The following ANKUB1 variants were observed in gnomAD, a reference collection of about 807,000 sequenced individuals.
The protein encoded by ANKUB1 is ankyrin repeat and ubiquitin domain containing 1.
ANKUB1 carries 42 observed loss-of-function variants against 49.3 expected under a neutral mutation model. That is an observed-to-expected ratio of 0.85 (90% CI 0.67 to 1.10). ANKUB1 has a LOEUF of 1.10. Among genes scored for constraint, ANKUB1 ranks in the 50% least tolerant of loss-of-function variants. The probability of loss-of-function intolerance (pLI) is 0.00; values close to 1 mark genes in which losing one functional copy is unlikely to be tolerated. For synonymous variants in ANKUB1, 222 were observed against 231.0 expected (o/e 0.96, Z 0.35); for missense variants, 613 against 642.0 (o/e 0.95, Z 0.49).
At position 149,767,679 on chromosome 3, in the gene ANKUB1, A is replaced by G. The variant is rs1383957092; in HGVS notation, c.983T>C (p.Leu328Pro). ...QWILRAQSHS[L>P]HKSQFCGARV... ...TGCTCCACAAAACTGGCTTTTATGA[A>G]GACTGTGACTCTGAGCTCTGAGGAT... Residue 328 changes from leucine (L) to proline (P), a missense_variant, in exon 5 of 6, where the codon CTT becomes CCT. Physicochemically the swap from Leu to Pro is moderately conservative, Grantham distance 98. Coordinates refer to ENST00000446160, the MANE Select transcript of ANKUB1 (RefSeq NM_001144960.3). The G allele has an allele frequency of 6.4e-7, 1 of 1,551,712 alleles. No homozygotes were observed. The highest frequency in any genetic ancestry group is 8.7e-7 in the Non-Finnish European group (1 of 1,147,006).
chr3:149,773,274 T>C (rs1311940926), intron 3 of ANKUB1, among the ~76,000 whole-genome samples: 1 of 152,186 alleles, frequency 6.6e-6, no homozygotes, highest in Non-Finnish European at 1.5e-5. Context: ...GAAATGGGGC[T>C]CTTCCTCTGT....
Position 149,767,344 on chromosome 3 carries a change from G to C in ANKUB1, c.1318C>G (p.Leu440Val). 1 of 1,549,868 alleles carries C rather than the reference G, an allele frequency of 6.5e-7. No individual in the cohort carries two copies. The highest frequency in any genetic ancestry group is 8.7e-7 in the Non-Finnish European group (1 of 1,146,622). The change falls in exon 5 of 6, where the codon CTC (leucine) becomes GTC (valine). Residue 440 changes from leucine to valine, a missense_variant. By Grantham distance (32) the Leu-to-Val change is conservative. Coordinates refer to ENST00000446160, the MANE Select transcript of ANKUB1 (RefSeq NM_001144960.3). ...TGGGGAAGATATGTGTTTTTTATGA[G>C]CTTTTCTTTTTTCCTAGCTGTGGCA... ...ITATARKKEK[L>V]IKNTYLPQVP...
chr3:149,763,395 G>A (rs1013713247), intron 5 of ANKUB1, among the ~76,000 whole-genome samples: 9 of 152,246 alleles, frequency 5.9e-5, no homozygotes, highest in South Asian at 2.1e-4. Context: ...AAAAAGATGC[G>A]TATTGAGCAC....
rs996147548 is a variant in ANKUB1 at position 149,767,469 on chromosome 3, G to C, written c.1193C>G (p.Pro398Arg). The C allele has an allele frequency of 6.4e-7, 1 of 1,551,646 alleles. No homozygotes were observed. The highest frequency in any genetic ancestry group is 8.7e-7 in the Non-Finnish European group (1 of 1,146,974). The change falls in exon 5 of 6, where the codon CCG becomes CGG. Residue 398 changes from proline (P) to arginine (R), a missense_variant. Physicochemically the swap from Pro to Arg is moderately radical, Grantham distance 103. Transcript: ENST00000446160. ...KPVNPLAISQ[P>R]DTRKQALKFH... ...TTTGAGGGCTTGTTTTCTTGTGTCCGGCTGTGAAATTGCCAAAGGATTGAC... is the reference window on the plus strand; with the variant it reads ...TTTGAGGGCTTGTTTTCTTGTGTCCCGCTGTGAAATTGCCAAAGGATTGAC...
At chr3:149,766,104 A>C (rs924619270) in intron 5 of ANKUB1, among the ~76,000 whole-genome samples, 1 of 152,224 alleles carries the variant, frequency 6.6e-6, no homozygotes, top group Non-Finnish European at 1.5e-5. Flanking sequence ...TGCATCAAAT[A>C]ATACCTCATA....
chr3:149,785,831 T>A (rs13085653), intron 2 of ANKUB1, among the ~76,000 whole-genome samples: 3 of 151,942 alleles, frequency 2.0e-5, no homozygotes, highest in Admixed American at 2.0e-4. Context: ...TTGAGGAATC[T>A]CCATACTGTC....
chr3:149,771,679 A>G (rs890437084), intron 3 of ANKUB1, among the ~76,000 whole-genome samples: 11 of 152,126 alleles, frequency 7.2e-5, no homozygotes, highest in Non-Finnish European at 1.3e-4. Flanking sequence ...CATTAAGAAG[A>G]AAATTCCTTC....
chr3:149,773,119 C>G (rs550368705), intron 3 of ANKUB1, among the ~76,000 whole-genome samples: 6 of 152,242 alleles, frequency 3.9e-5, no homozygotes, highest in East Asian at 1.9e-4. Context: ...TAGAGAGTCT[C>G]CCCCTTTCAG....
At chr3:149,785,326 A>G (rs1718043535) in intron 2 of ANKUB1, among the ~76,000 whole-genome samples, 1 of 152,102 alleles carries the variant, frequency 6.6e-6, no homozygotes, top group Non-Finnish European at 1.5e-5. Flanking sequence ...TTTGTTACAT[A>G]TGTATACATG....
In ANKUB1 at chr3:149,767,891, C is replaced by A. The variant is rs1204299223; in HGVS notation, c.771G>T (p.Lys257Asn). The change falls in exon 5 of 6, where the codon AAG becomes AAT. Residue 257 changes from lysine to asparagine, a missense_variant. Lys to Asn is a moderately conservative substitution (Grantham distance 94, BLOSUM62 0). Transcript: ENST00000446160. Reference sequence around the variant, plus strand: ...ACAGCACACTGTAGTTGACAAAGGCCTTCAGAATCAACAGTTGGCCTGCTT... The same window carrying A: ...ACAGCACACTGTAGTTGACAAAGGCATTCAGAATCAACAGTTGGCCTGCTT... ...AAEAGQLLIL[K>N]AFVNYSVLCL... is the part of the protein sequence containing the mutation. The A allele has an allele frequency of 6.4e-7, 1 of 1,551,376 alleles. No homozygotes were observed. Among genetic ancestry groups the A allele is most frequent in the Non-Finnish European group, 8.7e-7 (1 of 1,146,828 alleles).
chr3:149,791,002 C>T, intron 1 of ANKUB1, 78 bp from the exon 2 acceptor site: 3 of 1,378,050 alleles, frequency 2.2e-6, no homozygotes, highest in South Asian at 1.5e-5. Flanking sequence ...TTTCCCTTTA[C>T]ATTTTTTTCC....
intron 3 of ANKUB1, among the ~76,000 whole-genome samples, chr3:149,777,586 C>T (rs1273584616): frequency 6.6e-6 from 1 of 152,358 alleles, no homozygotes; most frequent in Non-Finnish European, 1.5e-5. Context: ...TTAAGACCCT[C>T]CTCCTTCTGC....
intron 2 of ANKUB1, among the ~76,000 whole-genome samples, chr3:149,787,161 G>A (rs1273785078): frequency 6.6e-6 from 1 of 152,056 alleles, no homozygotes; most frequent in Non-Finnish European, 1.5e-5. Flanking sequence ...AATTACCTTG[G>A]GCTGTATGGC....
At chr3:149,780,023 C>CA (rs1717785090) in intron 3 of ANKUB1, 2 of 556,624 alleles carry the variant, frequency 3.6e-6, no homozygotes, top group Non-Finnish European at 6.4e-6. Context: ...CTTGTAAGGC[C>CA]AGGAGAGGGA....
intron 3 of ANKUB1, among the ~76,000 whole-genome samples, chr3:149,775,093 C>T (rs528148824): frequency 1.3e-5 from 2 of 152,298 alleles, no homozygotes; most frequent in Admixed American, 6.5e-5. Flanking sequence ...TGCTTGCAAA[C>T]GTATCTACTA....
At chr3:149,766,668 T>A in intron 5 of ANKUB1, 2 of 557,436 alleles carry the variant, frequency 3.6e-6, no homozygotes, top group Non-Finnish European at 6.5e-6. Context: ...TATAGTGGCA[T>A]GTGCCTGTAG....
chr3:149,763,772 T>C (rs1250491359), intron 5 of ANKUB1, among the ~76,000 whole-genome samples: 1 of 152,180 alleles, frequency 6.6e-6, no homozygotes, highest in African/African-American at 2.4e-5. Flanking sequence ...CTATGTGACC[T>C]TCTGGCCTCA....
rs1268406892 is a variant in ANKUB1, at chr3:149,767,592, A to G, written c.1070T>C (p.Met357Thr). The change falls in exon 5 of 6, where the codon ATG becomes ACG. Residue 357 changes from methionine (M) to threonine (T), a missense_variant. Transcript: ENST00000446160. ...AGCCTTATGCCAGCTCTTGGAGGTC[A>G]TTTTTGGTTTGGTGAAACCATCCAC... The part of the protein sequence containing the change: ...VMVDGFTKPK[M>T]TSKSWHKAGN... 1 of 1,551,648 alleles carries G rather than the reference A, an allele frequency of 6.4e-7. No homozygotes were observed. Among genetic ancestry groups the G allele is most frequent in the Non-Finnish European group, 8.7e-7 (1 of 1,146,982 alleles).
intron 5 of ANKUB1, among the ~76,000 whole-genome samples, chr3:149,763,740 G>A (rs370081131): frequency 3.9e-5 from 6 of 152,256 alleles, no homozygotes; most frequent in East Asian, 3.9e-4. Context: ...GCCTACTGAC[G>A]TCTAGGCTGA....
Sources: gnomAD v4.1 joint callset for allele counts (sites outside exome capture counted in the v4.1 genomes callset) on GRCh38, gnomAD v4.1.1 for gene constraint, MANE v1.5 for transcripts, NCBI Gene and HGNC (gene_info 2026-07-23, HGNC 2026-07-21) for gene names.